The following HMMR variants were observed in gnomAD, a reference collection of about 807,000 sequenced individuals.
HMMR encodes intracellular hyaluronic acid-binding protein.
A neutral mutation model predicts 101.0 loss-of-function variants in HMMR; 108 were observed. The observed-to-expected ratio is 1.07, with a 90% confidence interval of 0.92 to 1.25. HMMR has a LOEUF of 1.25. HMMR is among the 50% of genes most tolerant of loss of function. The pLI, the probability that HMMR is intolerant of heterozygous loss-of-function variation, is 0.00. For synonymous variants in HMMR, 296 were observed against 276.4 expected (o/e 1.07, Z -0.70); for missense variants, 813 against 788.7 (o/e 1.03, Z -0.37).
At chr5:163,482,102 T>A (rs1418064002) in intron 12 of HMMR, among the ~76,000 whole-genome samples, 1 of 152,032 alleles carries the variant, frequency 6.6e-6, no homozygotes, top group Non-Finnish European at 1.5e-5. Context: ...TTTTTAGTAG[T>A]GATGGGGTTT....
At chr5:163,463,534 G>A (rs1468933770) in intron 1 of HMMR, among the ~76,000 whole-genome samples, 1 of 152,192 alleles carries the variant, frequency 6.6e-6, no homozygotes, top group African/African-American at 2.4e-5. Context: ...TTCGAGTAGA[G>A]TTGACACCAA....
At chr5:163,473,913 T>G (rs1758982783) in intron 9 of HMMR, 144 bp from the exon 10 acceptor site, 1 of 669,300 alleles carries the variant, frequency 1.5e-6, no homozygotes, top group African/African-American at 1.8e-5. Context: ...TTACATGGAG[T>G]AATGATACAA....
At chr5:163,471,793 CT>C (rs111720902) in intron 7 of HMMR, among the ~76,000 whole-genome samples, 5 of 152,106 alleles carry the variant, frequency 3.3e-5, no homozygotes, top group African/African-American at 1.2e-4. Context: ...CAATCCTAGC[CT>C]TTGATTTTGA....
intron 13 of HMMR, 100 bp downstream of exon 13, chr5:163,482,888 G>A (rs1177997352): frequency 5.3e-6 from 7 of 1,326,392 alleles, no homozygotes; most frequent in Non-Finnish European, 6.3e-6. Context: ...ATCTTATACT[G>A]CAAATTAAGA....
intron 11 of HMMR, 93 bp from the exon 12 acceptor site, chr5:163,478,591 T>C: frequency 1.3e-6 from 1 of 768,084 alleles, no homozygotes; most frequent in Non-Finnish European, 2.3e-6. Context: ...ATATGAGCTA[T>C]ATGATTCACA....
intron 13 of HMMR, 57 bp downstream of exon 13, chr5:163,482,845 A>C (rs1008632514): frequency 6.6e-7 from 1 of 1,505,516 alleles, no homozygotes; most frequent in African/African-American, 1.4e-5. Flanking sequence ...GTTGAAAGCC[A>C]GCTAGTAACT....
At chr5:163,471,031 A>G (rs1758870318) in intron 5 of HMMR, among the ~76,000 whole-genome samples, 154 bp from the exon 6 acceptor site, 1 of 152,186 alleles carries the variant, frequency 6.6e-6, no homozygotes. Flanking sequence ...TCAATCAGTA[A>G]TTATGGTGTA....
At position 163,474,344 on chromosome 5, in the gene HMMR, G is replaced by T. The variant is rs1220514965; in HGVS notation, c.1053+139G>T. 5 of 662,212 alleles carry T rather than the reference G, an allele frequency of 7.6e-6. No homozygotes were observed. In the East Asian group the frequency reaches 8.5e-5, roughly 11 times the overall value. 41.0% of individuals were successfully genotyped at this position (662,212 alleles called of 1,614,324 possible). A position where few individuals can be genotyped will look rare whatever the true frequency, so the allele number is the denominator to read the frequency against. Reference sequence around the variant, plus strand: ...GTCTTATCCTGAGGACATAATCATGGATATGCTGAGGATTTAGCTACGTAT... The same window carrying T: ...GTCTTATCCTGAGGACATAATCATGTATATGCTGAGGATTTAGCTACGTAT... On this transcript the variant is annotated intron_variant, in intron 10 of 17. Coordinates refer to ENST00000393915, the MANE Select transcript of HMMR (RefSeq NM_001142556.2).
At chr5:163,461,618 TA>T (rs1307196530) in intron 1 of HMMR, among the ~76,000 whole-genome samples, 3 of 151,618 alleles carry the variant, frequency 2.0e-5, no homozygotes, top group Admixed American at 6.6e-5. Context: ...CCGTCTGTAC[TA>T]AAAATACAAA....
chr5:163,465,674 C>T (rs1758680122), intron 3 of HMMR, among the ~76,000 whole-genome samples: 1 of 150,608 alleles, frequency 6.6e-6, no homozygotes, highest in Non-Finnish European at 1.5e-5. Context: ...TAAAAGACAG[C>T]TGGGGGGCGC....
intron 10 of HMMR, among the ~76,000 whole-genome samples, chr5:163,475,162 G>A (rs1759027922): frequency 6.6e-6 from 1 of 151,744 alleles, no homozygotes; most frequent in African/African-American, 2.4e-5. Flanking sequence ...GAAAAATAAT[G>A]TTAATATCAA....
chr5:163,473,348 G>A (rs1758958651), intron 8 of HMMR, 31 bp from the exon 9 acceptor site: 3 of 1,569,134 alleles, frequency 1.9e-6, no homozygotes, highest in Non-Finnish European at 1.7e-6. Flanking sequence ...CTAAATAGAT[G>A]TGCTTTTTAA....
At chr5:163,485,457 C>T (rs1006670441) in intron 16 of HMMR, among the ~76,000 whole-genome samples, 1 of 152,158 alleles carries the variant, frequency 6.6e-6, no homozygotes, top group African/African-American at 2.4e-5. Flanking sequence ...CATGTGCTTA[C>T]TGGCCATTTG....
Position 163,460,659 on chromosome 5 carries a change from C to T in HMMR, c.-34C>T. ...TCCGCATTCAGTTGTCGAGGAGTGC[C>T]AGTCACCTTCAGTTTCTGGAGCTGG... On this transcript the variant is annotated 5_prime_UTR_variant, in exon 1 of 18. Transcript: ENST00000393915. 6.3e-7 allele frequency: 1 copy of T among 1,588,046 alleles called. No homozygotes were observed. The highest frequency in any genetic ancestry group is 8.6e-7 in the Non-Finnish European group (1 of 1,164,700).
intron 1 of HMMR, among the ~76,000 whole-genome samples, chr5:163,461,907 G>C (rs149885819): frequency 6.7e-6 from 1 of 149,318 alleles, no homozygotes; most frequent in South Asian, 2.1e-4. Flanking sequence ...CAGAGGTTTT[G>C]TATCTTGCAC....
chr5:163,486,172 A>G (rs1190405337), intron 16 of HMMR, among the ~76,000 whole-genome samples: 1 of 152,150 alleles, frequency 6.6e-6, no homozygotes, highest in Non-Finnish European at 1.5e-5. Context: ...CTACAAAGAA[A>G]CCAGCTGGGA....
intron 1 of HMMR, 80 bp downstream of exon 1, chr5:163,460,818 A>G: frequency 1.5e-6 from 2 of 1,295,974 alleles, no homozygotes; most frequent in Non-Finnish European, 2.2e-6. Context: ...TTGGGAGGCA[A>G]GCAGGAGGCG....
chr5:163,470,285 T>C (rs773421535), intron 5 of HMMR, among the ~76,000 whole-genome samples: 1 of 152,148 alleles, frequency 6.6e-6, no homozygotes, highest in Non-Finnish European at 1.5e-5. Context: ...CAATGGACTT[T>C]CCAGCATATA....
chr5:163,480,151 C>T (rs1759207881), intron 12 of HMMR, among the ~76,000 whole-genome samples: 1 of 152,138 alleles, frequency 6.6e-6, no homozygotes, highest in Non-Finnish European at 1.5e-5. Flanking sequence ...TATGTAAGTT[C>T]CTCTGCCATC....
Sources: allele counts gnomAD v4.1 joint callset (sites outside exome capture counted in the v4.1 genomes callset), GRCh38; gene constraint gnomAD v4.1.1; transcripts MANE v1.5; gene names NCBI Gene and HGNC (gene_info 2026-07-23, HGNC 2026-07-21).